The following ANKS1A variants were observed in gnomAD, a reference collection of about 807,000 sequenced individuals.
ANKS1A encodes ankyrin repeat and SAM domain-containing protein 1A.
In ANKS1A, 55 loss-of-function variants were observed where a neutral mutation model predicts 120.3. The ratio of observed to expected loss-of-function variants is 0.46; its 90% confidence interval spans 0.37 to 0.57. The LOEUF (loss-of-function observed/expected upper bound fraction) is 0.57. Among genes scored for constraint, ANKS1A ranks in the 20% least tolerant of loss-of-function variants. The probability of loss-of-function intolerance (pLI) is 0.00; values close to 1 mark genes in which losing one functional copy is unlikely to be tolerated. For synonymous variants in ANKS1A, 590 were observed against 604.7 expected (o/e 0.98, Z 0.36); for missense variants, 1,123 against 1,480.3 (o/e 0.76, Z 3.96).
chr6:34,997,791 G>A (rs1454015289), intron 10 of ANKS1A, among the ~76,000 whole-genome samples: 1 of 152,194 alleles, frequency 6.6e-6, no homozygotes, highest in African/African-American at 2.4e-5. Context: ...CTTCATAAGT[G>A]GGGCTGGTGT....
chr6:35,093,430 C>T (rs897679265), downstream of ANKS1A, among the ~76,000 whole-genome samples: 7 of 151,692 alleles, frequency 4.6e-5, no homozygotes, highest in African/African-American at 1.7e-4. Context: ...TTTTAATAAG[C>T]GTGGTTTGAG....
chr6:34,950,745 C>T (rs1770054519), intron 1 of ANKS1A, among the ~76,000 whole-genome samples: 2 of 150,726 alleles, frequency 1.3e-5, no homozygotes, highest in African/African-American at 2.5e-5. Flanking sequence ...TAGACATCAA[C>T]AGTGGAGGAT....
intron 11 of ANKS1A, among the ~76,000 whole-genome samples, chr6:35,020,458 TG>T (rs1301850825): frequency 2.0e-5 from 3 of 152,198 alleles, no homozygotes; most frequent in Non-Finnish European, 4.4e-5. Context: ...TAGTGGATAC[TG>T]AGGGATGACT....
At chr6:34,908,420 G>C (rs1329544091) in intron 1 of ANKS1A, among the ~76,000 whole-genome samples, 1 of 152,222 alleles carries the variant, frequency 6.6e-6, no homozygotes, top group Non-Finnish European at 1.5e-5. Flanking sequence ...AGGTTGGCTA[G>C]TGCTGGATCG....
intron 1 of ANKS1A, among the ~76,000 whole-genome samples, chr6:34,933,297 AT>A (rs896668695): frequency 3.3e-5 from 5 of 152,096 alleles, no homozygotes; most frequent in African/African-American, 1.2e-4. Flanking sequence ...GGCGAAATAG[AT>A]TTTTTTTGAC....
Position 34,983,021 on chromosome 6 carries a change from T to C in ANKS1A, c.809-92T>C. 2.2e-6 allele frequency: 3 copies of C among 1,356,452 alleles called. No homozygotes were observed. The South Asian group carries it at 3.7e-5, about 17-fold the overall frequency. 84.0% of individuals were successfully genotyped at this position (1,356,452 alleles called of 1,614,324 possible). On this transcript the variant is annotated intron_variant, in intron 5 of 23. Coordinates refer to ENST00000360359, the MANE Select transcript of ANKS1A (RefSeq NM_015245.3). ...TCTGGATGAAAAATGTTGGCCATGC[T>C]GCTGACAGCCTTAAATGTCCTAAAA... is the stretch of plus-strand genomic sequence containing the variant.
chr6:35,064,785 C>A (rs1266728863), intron 13 of ANKS1A, among the ~76,000 whole-genome samples: 1 of 152,194 alleles, frequency 6.6e-6, no homozygotes, highest in African/African-American at 2.4e-5. Context: ...AGGCCCTCTC[C>A]CCAGCCCCCA....
chr6:34,925,853 GC>G (rs1768690640), intron 1 of ANKS1A, among the ~76,000 whole-genome samples: 1 of 152,124 alleles, frequency 6.6e-6, no homozygotes, highest in Non-Finnish European at 1.5e-5. Flanking sequence ...GGTGCTACTG[GC>G]ATCTAGTGAA....
rs186953768 is a variant in ANKS1A at position 35,088,943 on chromosome 6, A to G, written c.*334A>G. The G allele has an allele frequency of 2.3e-5, 30 of 1,283,366 alleles. No individual in the cohort carries two copies. The African/African-American group carries it at 3.3e-4, about 14-fold the overall frequency. 79.5% of individuals were successfully genotyped at this position (1,283,366 alleles called of 1,614,324 possible). A position where few individuals can be genotyped will look rare whatever the true frequency, so the allele number is the denominator to read the frequency against. On this transcript the variant is annotated 3_prime_UTR_variant, in exon 24 of 24. Transcript: ENST00000360359. The stretch of plus-strand genomic sequence containing the variant: ...AACACTTGGCTCAAACCTCTAGGTC[A>G]TACTGCCAATCTTTAGACAAATGGC...
Position 35,085,496 on chromosome 6 carries a change from C to CCTTGGAAAAG in ANKS1A, c.3133-270_3133-269insCTTGGAAAAG, listed in dbSNP as rs1217758997. Among the ~76,000 whole-genome samples the CCTTGGAAAAG allele has an allele frequency of 1.3e-5, 2 of 152,204 alleles. No homozygotes were observed. The highest frequency in any genetic ancestry group is 2.9e-5 in the Non-Finnish European group (2 of 68,044). On this transcript the variant is annotated intron_variant, in intron 21 of 23. Coordinates refer to ENST00000360359, the MANE Select transcript of ANKS1A (RefSeq NM_015245.3). The surrounding 1 kb of genome is among the most constrained non-coding windows in gnomAD (Gnocchi z 4.7). The stretch of plus-strand genomic sequence containing the variant: ...TACCCAAGTACTGCTGCAGGCACGG[C>CCTTGGAAAAG]ACCCTGCCTTGGAAAAGACCTGCCG...
At chr6:34,972,797 A>G (rs1444985559) in intron 3 of ANKS1A, among the ~76,000 whole-genome samples, 1 of 152,132 alleles carries the variant, frequency 6.6e-6, no homozygotes, top group Non-Finnish European at 1.5e-5. Flanking sequence ...TTGTCTGGGA[A>G]TGGGAAAATG....
chr6:35,011,471 G>A (rs940102245), intron 10 of ANKS1A, among the ~76,000 whole-genome samples: 4 of 152,272 alleles, frequency 2.6e-5, no homozygotes, highest in South Asian at 2.1e-4. Flanking sequence ...GAGAACAGAC[G>A]CTTTAGGAGT....
intron 10 of ANKS1A, among the ~76,000 whole-genome samples, chr6:35,008,767 A>T (rs1053746236): frequency 6.6e-6 from 1 of 152,252 alleles, no homozygotes; most frequent in African/African-American, 2.4e-5. Flanking sequence ...TGTTAAATTC[A>T]TATAAAAGTG....
Position 35,078,627 on chromosome 6 carries a change from C to A in ANKS1A, c.2254C>A (p.Leu752Met). The A allele has an allele frequency of 1.2e-6, 2 of 1,604,792 alleles. No individual in the cohort carries two copies. Among genetic ancestry groups the A allele is most frequent in the South Asian group, 2.2e-5 (2 of 91,082 alleles). The change falls in exon 14 of 24, where the codon CTG becomes ATG. Residue 752 changes from leucine to methionine, a missense_variant. This residue lies in a region of ANKS1A where 904 missense variants were observed against 1,130.4 expected (regional missense o/e 0.80). Coordinates refer to ENST00000360359, the MANE Select transcript of ANKS1A (RefSeq NM_015245.3). ...GISDPQHRRK[L>M]LQAARSLPKV... ...CAGCGACCCACAGCACCGGCGGAAG[C>A]TGCTCCAGGCGGCACGCTCCCTACC...
chr6:34,962,337 T>C (rs1211359110), intron 1 of ANKS1A, among the ~76,000 whole-genome samples: 1 of 152,272 alleles, frequency 6.6e-6, no homozygotes, highest in African/African-American at 2.4e-5. Context: ...TACATGTATC[T>C]TGCTTTTTAA....
intron 1 of ANKS1A, among the ~76,000 whole-genome samples, chr6:34,896,173 A>C (rs1253773068): frequency 1.3e-5 from 2 of 150,328 alleles, no homozygotes; most frequent in Non-Finnish European, 3.0e-5. Context: ...AGGTTCAAGT[A>C]ATTCTTGTGC....
chr6:34,985,320 C>A, intron 8 of ANKS1A, 42 bp downstream of exon 8: 1 of 1,589,234 alleles, frequency 6.3e-7, no homozygotes, highest in Non-Finnish European at 8.6e-7. Flanking sequence ...GCTGTGTTGG[C>A]TGGCTGGCCC....
chr6:35,056,012 C>T (rs551788870), intron 12 of ANKS1A, among the ~76,000 whole-genome samples: 4 of 152,232 alleles, frequency 2.6e-5, no homozygotes, highest in Non-Finnish European at 5.9e-5. Context: ...ATTTTCAAAG[C>T]TGTGCTTTGA....
chr6:35,041,796 C>A (rs1361320514), intron 11 of ANKS1A, among the ~76,000 whole-genome samples: 1 of 152,208 alleles, frequency 6.6e-6, no homozygotes, highest in Non-Finnish European at 1.5e-5. Flanking sequence ...ATGCTGAGCT[C>A]TTCTGTGGCC....
Sources: gnomAD v4.1 joint callset for allele counts (sites outside exome capture counted in the v4.1 genomes callset) on GRCh38, gnomAD v4.1.1 for gene constraint, gnomAD v4.1.1 regional missense constraint, Gnocchi (gnomAD v3.1) non-coding constraint, MANE v1.5 for transcripts, NCBI Gene and HGNC (gene_info 2026-07-23, HGNC 2026-07-21) for gene names.